The following FBLN5 variants were observed in gnomAD, a reference collection of about 807,000 sequenced individuals.
The protein encoded by FBLN5 is fibulin 5.
In FBLN5, 24 loss-of-function variants were observed where a neutral mutation model predicts 61.6. That is an observed-to-expected ratio of 0.39 (90% CI 0.28 to 0.55). FBLN5 has a LOEUF of 0.55. FBLN5 is among the 20% of genes least tolerant of loss of function. The pLI is 0.65. For synonymous variants in FBLN5, 213 were observed against 219.8 expected (o/e 0.97, Z 0.27); for missense variants, 470 against 594.1 (o/e 0.79, Z 2.17).
chr14:91,878,547 C>T (rs1595294351), intron 9 of FBLN5, among the ~76,000 whole-genome samples: 1 of 152,164 alleles, frequency 6.6e-6, no homozygotes, highest in East Asian at 1.9e-4. Context: ...GTCAACCTTG[C>T]TGTGTTTCTG....
Position 91,869,893 on chromosome 14 carries a change from A to G in FBLN5, c.*331T>C, listed in dbSNP as rs1194422522. Reference sequence around the variant, plus strand: ...CAAGCTGTTCACAGTCTTTGAACATAGACTCAGACCCCCGCAAACCTAATC... The same window carrying G: ...CAAGCTGTTCACAGTCTTTGAACATGGACTCAGACCCCCGCAAACCTAATC... On this transcript the variant is annotated 3_prime_UTR_variant, in exon 11 of 11. Transcript: ENST00000342058. The G allele has an allele frequency of 2.8e-6, 1 of 362,100 alleles. No homozygotes were observed. The highest frequency in any genetic ancestry group is 5.4e-6 in the Non-Finnish European group (1 of 185,652). The allele number at this position is 362,100 out of a possible 1,614,324, so 22.4% of individuals were successfully genotyped here.
At chr14:91,933,815 A>G (rs1460371291) in intron 4 of FBLN5, among the ~76,000 whole-genome samples, 1 of 152,152 alleles carries the variant, frequency 6.6e-6, no homozygotes, top group African/African-American at 2.4e-5. Flanking sequence ...CATTATGAAA[A>G]AAAAAGAGAG....
At chr14:91,884,515 T>A (rs1371726884) in intron 7 of FBLN5, among the ~76,000 whole-genome samples, 1 of 152,206 alleles carries the variant, frequency 6.6e-6, no homozygotes, top group African/African-American at 2.4e-5. Context: ...AATTCTCACC[T>A]CAACCCCATG....
At position 91,882,569 on chromosome 14, in the gene FBLN5, C is replaced by T. The variant is rs1889525671; in HGVS notation, c.862+385G>A. Among the ~76,000 whole-genome samples the T allele has an allele frequency of 2.0e-5, 3 of 152,330 alleles. No individual in the cohort carries two copies. The highest frequency in any genetic ancestry group is 2.1e-4 in the South Asian group (1 of 4,830). Reference sequence around the variant, plus strand: ...GAGAAAGGCTAACCAAACTGCCCTCCAGGCCACGTAAGAAAGCCCGGGCTC... The same window carrying T: ...GAGAAAGGCTAACCAAACTGCCCTCTAGGCCACGTAAGAAAGCCCGGGCTC... On this transcript the variant is annotated intron_variant, in intron 8 of 10. Coordinates refer to ENST00000342058, the MANE Select transcript of FBLN5 (RefSeq NM_006329.4). This position sits in a 1 kb window ranked among gnomAD's most constrained non-coding sequence, Gnocchi z 4.9.
In FBLN5 at chr14:91,870,108, A is replaced by T; in HGVS notation, c.*116T>A. 9.0e-7 allele frequency: 1 copy of T among 1,108,460 alleles called. No homozygotes were observed. The highest frequency in any genetic ancestry group is 1.3e-6 in the Non-Finnish European group (1 of 741,050). 68.7% of individuals were successfully genotyped at this position (1,108,460 alleles called of 1,614,324 possible). ...GAAGTCGGGGCTGACTCTTCGGGGA[A>T]ACGTTCAGCAGGAAATGCCTAACGT... On this transcript the variant is annotated 3_prime_UTR_variant, in exon 11 of 11. Coordinates refer to ENST00000342058, the MANE Select transcript of FBLN5 (RefSeq NM_006329.4).
At chr14:91,895,141 C>A (rs568557554) in intron 4 of FBLN5, 69 bp from the exon 5 acceptor site, 1 of 1,594,160 alleles carries the variant, frequency 6.3e-7, no homozygotes, top group East Asian at 2.3e-5. Flanking sequence ...ACCAGGGGTG[C>A]CAGTGGCTCA....
At chr14:91,890,801 A>G (rs876043) in intron 6 of FBLN5, among the ~76,000 whole-genome samples, 119,271 of 151,986 alleles carry the variant, frequency 0.78, 47,228 homozygotes, top group Admixed American at 0.87. Flanking sequence ...CCTGCCTAGC[A>G]TGGATGTGTT....
At chr14:91,878,227 A>C (rs1338017166) in intron 9 of FBLN5, among the ~76,000 whole-genome samples, 1 of 152,238 alleles carries the variant, frequency 6.6e-6, no homozygotes, top group East Asian at 1.9e-4. Context: ...ACTATGTACA[A>C]GATGTGACAT....
chr14:91,871,159 A>C (rs932795935), intron 10 of FBLN5, among the ~76,000 whole-genome samples: 1 of 152,020 alleles, frequency 6.6e-6, no homozygotes, highest in Non-Finnish European at 1.5e-5. Flanking sequence ...AAAGTGGAAT[A>C]AAAGTTTTAA....
At chr14:91,877,940 G>T (rs1312799366) in intron 9 of FBLN5, 1 of 584,916 alleles carries the variant, frequency 1.7e-6, no homozygotes, top group East Asian at 3.9e-5. Flanking sequence ...TAGATCTCTG[G>T]TTTTCAGAAC....
chr14:91,944,322 G>A (rs899834541), intron 1 of FBLN5, among the ~76,000 whole-genome samples: 1 of 152,240 alleles, frequency 6.6e-6, no homozygotes, highest in African/African-American at 2.4e-5. Flanking sequence ...GCGTTAGGGA[G>A]GATGTGGAGA....
chr14:91,915,537 T>A (rs1015092907), intron 4 of FBLN5, among the ~76,000 whole-genome samples: 1 of 151,138 alleles, frequency 6.6e-6, no homozygotes, highest in Non-Finnish European at 1.5e-5. Flanking sequence ...TACAAAAAAA[T>A]TAGCCCAGGC....
At chr14:91,895,253 G>T (rs748822828) in intron 4 of FBLN5, among the ~76,000 whole-genome samples, 181 bp from the exon 5 acceptor site, 3 of 152,144 alleles carry the variant, frequency 2.0e-5, no homozygotes, top group Non-Finnish European at 4.4e-5. Context: ...TCTACTGAAG[G>T]CTGAGCTAGT....
intron 6 of FBLN5, among the ~76,000 whole-genome samples, chr14:91,890,567 T>G (rs1350628960): frequency 6.6e-6 from 1 of 152,260 alleles, no homozygotes; most frequent in Non-Finnish European, 1.5e-5. Flanking sequence ...AACCTTCAGA[T>G]GGAAACCACA....
At chr14:91,913,452 G>A (rs1891045655) in intron 4 of FBLN5, among the ~76,000 whole-genome samples, 1 of 152,166 alleles carries the variant, frequency 6.6e-6, no homozygotes, top group African/African-American at 2.4e-5. Flanking sequence ...GGGTGTGATG[G>A]TCTCACACTG....
chr14:91,917,035 G>T (rs1297538718), intron 4 of FBLN5, among the ~76,000 whole-genome samples: 1 of 152,162 alleles, frequency 6.6e-6, no homozygotes, highest in Non-Finnish European at 1.5e-5. Context: ...CTGGCTACTA[G>T]AGCCCAACTA....
chr14:91,877,700 A>G lies in FBLN5; in HGVS notation c.990-18T>C. ...TACAGCGGCTGTGGAAAGGGAAATC[A>G]CGTGAGAACTCAAGAAATCCATTCC... On this transcript the variant is annotated intron_variant, in intron 9 of 10. Transcript: ENST00000342058. 20 of 1,607,388 alleles carry G rather than the reference A, an allele frequency of 1.2e-5. No individual in the cohort carries two copies. The highest frequency in any genetic ancestry group is 1.6e-5 in the Non-Finnish European group (19 of 1,173,944).
chr14:91,927,396 GAGAACATCCAC>G (rs1318059678), intron 4 of FBLN5, among the ~76,000 whole-genome samples: 3 of 152,202 alleles, frequency 2.0e-5, no homozygotes, highest in African/African-American at 7.2e-5. Flanking sequence ...AAGAGCCGCG[GAGAACATCCAC>G]AGAACATCTG....
intron 5 of FBLN5, 87 bp downstream of exon 5, chr14:91,894,863 A>G: frequency 1.0e-6 from 1 of 964,340 alleles, no homozygotes; most frequent in Non-Finnish European, 1.5e-6. Flanking sequence ...TACTACCCTC[A>G]GGCAGCCAGC....
Sources: gnomAD v4.1 joint callset for allele counts (sites outside exome capture counted in the v4.1 genomes callset) on GRCh38, gnomAD v4.1.1 for gene constraint, Gnocchi (gnomAD v3.1) non-coding constraint, MANE v1.5 for transcripts, NCBI Gene and HGNC (gene_info 2026-07-23, HGNC 2026-07-21) for gene names.